Variants in PIK3R5 observed in about 807,000 individuals in gnomAD.
PIK3R5 encodes the protein phosphoinositide-3-kinase regulatory subunit 5.
In PIK3R5, 32 loss-of-function variants were observed where a neutral mutation model predicts 94.9. That is an observed-to-expected ratio of 0.34 (90% CI 0.25 to 0.45). The LOEUF is 0.45. PIK3R5 is among the 20% of genes least tolerant of loss of function. The pLI, the probability that PIK3R5 is intolerant of heterozygous loss-of-function variation, is 1.00. For missense variants in PIK3R5, 853 were observed against 1,144.6 expected (o/e 0.75, Z 3.68); for synonymous variants, 443 against 479.4 (o/e 0.92, Z 0.99).
rs1187268678 is a variant in PIK3R5 at position 8,890,825 on chromosome 17, G to A, written c.570C>T (p.His190=). 1 of 1,613,402 alleles carries A rather than the reference G, an allele frequency of 6.2e-7. No homozygotes were observed. The part of the protein sequence containing the change: ...NKLSTPGHSP[H]SAYTTLLLHA... ...GCAGGAGCAGGGTGGTGTAGGCACTGTGAGGCGAGTGTCCGGGCGTACTCA... is the reference window on the plus strand; with the variant it reads ...GCAGGAGCAGGGTGGTGTAGGCACTATGAGGCGAGTGTCCGGGCGTACTCA... The change falls in exon 7 of 19, where the codon CAC becomes CAT. Residue 190 remains histidine, a synonymous_variant. Transcript: ENST00000447110. This position sits in a 1 kb window ranked among gnomAD's most constrained non-coding sequence, Gnocchi z 6.1.
Position 8,904,829 on chromosome 17 carries a change from G to A in PIK3R5, c.360C>T (p.Cys120=), listed in dbSNP as rs1231985032. ...HRFLTWPVPY[C]SICQELLTFI... is the part of the protein sequence containing the mutation. ...AGGTGAGCAGCTCCTGGCAGATGCT[G>A]CAGTAAGGAACAGGCCAGGTCAGGA... The change falls in exon 5 of 19, where the codon TGC becomes TGT. Residue 120 remains cysteine (C), a synonymous_variant. Transcript: ENST00000447110. This position sits in a 1 kb window ranked among gnomAD's most constrained non-coding sequence, Gnocchi z 5.1. 1.9e-6 allele frequency: 3 copies of A among 1,614,010 alleles called. No individual in the cohort carries two copies. The African/African-American group carries it at 4.0e-5, about 22-fold the overall frequency.
At chr17:8,951,243 T>A (rs948901747) in intron 1 of PIK3R5, among the ~76,000 whole-genome samples, 2 of 152,238 alleles carry the variant, frequency 1.3e-5, no homozygotes, top group African/African-American at 4.8e-5. Flanking sequence ...TTTCTCCCAT[T>A]CTGTAGGTTG....
intron 5 of PIK3R5, among the ~76,000 whole-genome samples, chr17:8,897,505 G>C (rs1015042919): frequency 1.3e-5 from 2 of 152,172 alleles, no homozygotes; most frequent in African/African-American, 2.4e-5. Context: ...ACTGAGATGA[G>C]ACCTTTCATA....
intron 3 of PIK3R5, among the ~76,000 whole-genome samples, chr17:8,907,518 ACATATTGT>A (rs2090421823): frequency 6.6e-6 from 1 of 152,158 alleles, no homozygotes; most frequent in African/African-American, 2.4e-5. Flanking sequence ...GACCTTTGAG[ACATATTGT>A]CATATTGCTT....
At chr17:8,920,279 G>A (rs552009329) in intron 1 of PIK3R5, among the ~76,000 whole-genome samples, 46 of 152,234 alleles carry the variant, frequency 3.0e-4, no homozygotes, top group African/African-American at 8.9e-4. Flanking sequence ...TGATTCTGAC[G>A]CACAGTTAGA....
At chr17:8,918,082 A>G (rs2090664615) in intron 1 of PIK3R5, among the ~76,000 whole-genome samples, 1 of 152,220 alleles carries the variant, frequency 6.6e-6, no homozygotes, top group Non-Finnish European at 1.5e-5. Flanking sequence ...ATACATATAG[A>G]AAAATTTTAA....
rs1457061863 is a variant in PIK3R5 at position 8,880,954 on chromosome 17, C to T, written c.2446G>A (p.Ala816Thr). The T allele has an allele frequency of 1.9e-6, 3 of 1,614,134 alleles. No individual in the cohort carries two copies. Among genetic ancestry groups the T allele is most frequent in the Non-Finnish European group, 2.5e-6 (3 of 1,179,996 alleles). ...QIIGSNSCPFAVCLDQDERKI... is the reference protein window; with the variant it reads ...QIIGSNSCPFTVCLDQDERKI... Reference sequence around the variant, plus strand: ...CTCTCATCCTGGTCCAGGCACACAGCAAAGGGGCAGCTGTTGGAGCCGATG... The same window carrying T: ...CTCTCATCCTGGTCCAGGCACACAGTAAAGGGGCAGCTGTTGGAGCCGATG... Residue 816 changes from alanine to threonine, a missense_variant, in exon 18 of 19, where the codon GCT becomes ACT. Physicochemically the swap from Ala to Thr is moderately conservative, Grantham distance 58 (BLOSUM62 0). Around this residue, in one of 6 missense-constraint regions of PIK3R5, gnomAD observed 91 missense variants for 90.5 expected, o/e 1.01. Transcript: ENST00000447110.
rs2090085627 is a variant in PIK3R5 at position 8,893,852 on chromosome 17, G to A, written c.413-197C>T. On this transcript the variant is annotated intron_variant, in intron 5 of 18. Coordinates refer to ENST00000447110, the MANE Select transcript of PIK3R5 (RefSeq NM_001142633.3). The surrounding 1 kb of genome is among the most constrained non-coding windows in gnomAD (Gnocchi z 5.1). ...TTCTATGCGTCCTTTTACACCTCAC[G>A]AGTCATATCCCCACCTCCACCTCCA... The A allele has an allele frequency of 2.0e-6, 1 of 503,406 alleles. No individual in the cohort carries two copies. The highest frequency in any genetic ancestry group is 3.6e-6 in the Non-Finnish European group (1 of 276,744). 31.2% of individuals were successfully genotyped at this position (503,406 alleles called of 1,614,324 possible). A position where few individuals can be genotyped will look rare whatever the true frequency, so the allele number is the denominator to read the frequency against.
At chr17:8,963,340 G>A (rs1448360114) in intron 1 of PIK3R5, among the ~76,000 whole-genome samples, 1 of 151,992 alleles carries the variant, frequency 6.6e-6, no homozygotes, top group African/African-American at 2.4e-5. Context: ...GGCTACCCAG[G>A]CAAAAAGGAT....
Position 8,895,175 on chromosome 17 carries a change from C to A in PIK3R5, c.413-1520G>T, listed in dbSNP as rs61759643. 4.7e-3 allele frequency among the ~76,000 whole-genome samples: 714 copies of A among 152,340 alleles called. 8 individuals are homozygous for A. The highest frequency in any genetic ancestry group is 0.016 in the African/African-American group (662 of 41,550). ...GAAGAGATCCTCACCCGCTCTCCAACCACCTCTACATAATACCATAGCTAC... is the reference window on the plus strand; with the variant it reads ...GAAGAGATCCTCACCCGCTCTCCAAACACCTCTACATAATACCATAGCTAC... On this transcript the variant is annotated intron_variant, in intron 5 of 18. Coordinates refer to ENST00000447110, the MANE Select transcript of PIK3R5 (RefSeq NM_001142633.3).
rs932580325 is a variant in PIK3R5 at position 8,892,434 on chromosome 17, C to A, written c.482+1152G>T. On this transcript the variant is annotated intron_variant, in intron 6 of 18. Coordinates refer to ENST00000447110, the MANE Select transcript of PIK3R5 (RefSeq NM_001142633.3). This position sits in a 1 kb window ranked among gnomAD's most constrained non-coding sequence, Gnocchi z 4.3. ...AGATAATGAAAGTGAGACCATCTCC[C>A]AACTGTAAGCTCTTTCTACAAATCT... 2.0e-5 allele frequency among the ~76,000 whole-genome samples: 3 copies of A among 152,078 alleles called. No homozygotes were observed. The highest frequency in any genetic ancestry group is 4.4e-5 in the Non-Finnish European group (3 of 68,022).
intron 1 of PIK3R5, among the ~76,000 whole-genome samples, chr17:8,933,493 A>G (rs1428830585): frequency 6.6e-6 from 1 of 152,310 alleles, no homozygotes; most frequent in South Asian, 2.1e-4. Context: ...AATAATATCA[A>G]TCTTACTCAA....
rs111765364 is a variant in PIK3R5, at chr17:8,947,233, C to T, written c.-14+18363G>A. ...GCTTGGTAGCTGATTAGGTTGGAGC[C>T]GGGCTCTTAAATGAATCCCTGCTCC... On this transcript the variant is annotated intron_variant, in intron 1 of 18. Coordinates refer to ENST00000447110, the MANE Select transcript of PIK3R5 (RefSeq NM_001142633.3). Among the ~76,000 whole-genome samples, 685 of 152,294 alleles carry T rather than the reference C, an allele frequency of 4.5e-3. 7 individuals carry two copies. Among genetic ancestry groups the T allele is most frequent in the African/African-American group, 0.016 (647 of 41,554 alleles).
intron 1 of PIK3R5, among the ~76,000 whole-genome samples, chr17:8,939,154 C>T (rs2091129964): frequency 6.6e-6 from 1 of 152,174 alleles, no homozygotes; most frequent in African/African-American, 2.4e-5. Context: ...GAAACGATGG[C>T]TCTGAGAGAT....
intron 5 of PIK3R5, among the ~76,000 whole-genome samples, chr17:8,902,626 T>C (rs1012457156): frequency 6.6e-6 from 1 of 152,196 alleles, no homozygotes; most frequent in South Asian, 2.1e-4. Flanking sequence ...GCTTGCCATA[T>C]GAAAAGCTTT....
At position 8,911,757 on chromosome 17, in the gene PIK3R5, G is replaced by C; in HGVS notation, c.-13-250C>G. Reference sequence around the variant, plus strand: ...CGGGACAGAGGTGTGGGAAGTAAGGGGTCAGGAATGGGAGCAGAGAGGTGG... The same window carrying C: ...CGGGACAGAGGTGTGGGAAGTAAGGCGTCAGGAATGGGAGCAGAGAGGTGG... On this transcript the variant is annotated intron_variant, in intron 1 of 18. Transcript: ENST00000447110. The surrounding 1 kb of genome is among the most constrained non-coding windows in gnomAD (Gnocchi z 5.3). The C allele has an allele frequency of 2.5e-6, 1 of 393,906 alleles. No individual in the cohort carries two copies. The highest frequency in any genetic ancestry group is 3.6e-5 in the South Asian group (1 of 27,966). The allele number at this position is 393,906 out of a possible 1,614,324, so 24.4% of individuals were successfully genotyped here. A position where few individuals can be genotyped will look rare whatever the true frequency, so the allele number is the denominator to read the frequency against.
At chr17:8,928,775 A>T (rs1363674065) in intron 1 of PIK3R5, among the ~76,000 whole-genome samples, 1 of 152,208 alleles carries the variant, frequency 6.6e-6, no homozygotes, top group African/African-American at 2.4e-5. Flanking sequence ...TCTAAACAGA[A>T]AAAAGGATAA....
chr17:8,907,046 A>T (rs1243981506), intron 3 of PIK3R5, among the ~76,000 whole-genome samples: 4 of 152,018 alleles, frequency 2.6e-5, no homozygotes, highest in Non-Finnish European at 5.9e-5. Context: ...CTTTTTTGAG[A>T]TGGAGTCTCG....
intron 1 of PIK3R5, among the ~76,000 whole-genome samples, chr17:8,947,464 G>A (rs1016425964): frequency 7.2e-5 from 11 of 152,158 alleles, no homozygotes; most frequent in Admixed American, 2.6e-4. Context: ...TAGACTTTAT[G>A]AAAGCAGCTA....
Sources: allele counts gnomAD v4.1 joint callset (sites outside exome capture counted in the v4.1 genomes callset), GRCh38; gene constraint gnomAD v4.1.1; regional missense constraint gnomAD v4.1.1; non-coding constraint Gnocchi (gnomAD v3.1); transcripts MANE v1.5; gene names NCBI Gene and HGNC (gene_info 2026-07-23, HGNC 2026-07-21).